Variants in NAV3 observed in about 807,000 individuals in gnomAD.
NAV3 encodes pore membrane and/or filament interacting like protein 1.
A neutral mutation model predicts 244.7 loss-of-function variants in NAV3; 87 were observed. The observed-to-expected ratio is 0.36, with a 90% CI of 0.30 to 0.42. The LOEUF (loss-of-function observed/expected upper bound fraction) is 0.42, where lower values mean the gene tolerates loss of function less well. Ranked by LOEUF, NAV3 falls within the 20% of genes least tolerant of loss-of-function variation. The pLI is 1.00. For synonymous variants in NAV3, 1,126 were observed against 1,042.2 expected (o/e 1.08, Z -1.55); for missense variants, 2,663 against 2,893.3 (o/e 0.92, Z 1.83).
At chr12:77,895,734 T>G (rs915639729) in intron 1 of NAV3, among the ~76,000 whole-genome samples, 7 of 132,578 alleles carry the variant, frequency 5.3e-5, no homozygotes, top group African/African-American at 1.7e-4. Flanking sequence ...ATATGTACCC[T>G]CTTGTTTTTT....
chr12:78,048,299 G>A (rs1180558284), intron 9 of NAV3, among the ~76,000 whole-genome samples: 2 of 152,040 alleles, frequency 1.3e-5, no homozygotes, highest in Admixed American at 1.3e-4. Flanking sequence ...AGGCATTCTG[G>A]TTTTTGGAAT....
At chr12:77,930,647 A>G (rs1387748782) in intron 1 of NAV3, among the ~76,000 whole-genome samples, 1 of 152,118 alleles carries the variant, frequency 6.6e-6, no homozygotes, top group Non-Finnish European at 1.5e-5. Flanking sequence ...ATCAGCTGAA[A>G]ATGTCTTTGC....
intron 3 of NAV3, among the ~76,000 whole-genome samples, chr12:77,957,017 A>G (rs1891429259): frequency 6.6e-6 from 1 of 152,208 alleles, no homozygotes; most frequent in South Asian, 2.1e-4. Context: ...TGCTGGGATT[A>G]CAGGCGTGAG....
intron 18 of NAV3, among the ~76,000 whole-genome samples, chr12:78,129,937 TCCAAAA>T (rs1736666708): frequency 6.6e-6 from 1 of 152,132 alleles, no homozygotes; most frequent in Non-Finnish European, 1.5e-5. Flanking sequence ...AAACACACAA[TCCAAAA>T]CCTTATATTT....
At chr12:77,572,352 T>A (rs548443019) in intron 2 of NAV3, 1 of 153,274 alleles carries the variant, frequency 6.5e-6, no homozygotes, top group Admixed American at 6.5e-5. Flanking sequence ...CCTTTTGAGA[T>A]AAAATAACAT....
rs2136819052 is a variant in NAV3, at chr12:78,021,862, G to A, written c.2023G>A (p.Gly675Ser). 6.3e-7 allele frequency: 1 copy of A among 1,586,454 alleles called. No individual in the cohort carries two copies. Among genetic ancestry groups the A allele is most frequent in the Non-Finnish European group, 8.6e-7 (1 of 1,160,504 alleles). Reference protein sequence around the residue: ...TAKQCLEEISGEDPETRRMRT... With the variant: ...TAKQCLEEISSEDPETRRMRT... ...TAAGCAGTGCCTGGAGGAGATATCTGGTAAGTGACCTCATCGATGCATAGG... is the reference window on the plus strand; with the variant it reads ...TAAGCAGTGCCTGGAGGAGATATCTAGTAAGTGACCTCATCGATGCATAGG... The change falls in exon 9 of 40, where the codon GGT becomes AGT. Residue 675 changes from glycine to serine, a missense_variant and splice_region_variant. Physicochemically the swap from Gly to Ser is moderately conservative, Grantham distance 56. Coordinates refer to ENST00000397909, the MANE Select transcript of NAV3 (RefSeq NM_001024383.2).
intron 2 of NAV3, among the ~76,000 whole-genome samples, chr12:77,642,465 A>G (rs1278596160): frequency 1.3e-5 from 2 of 152,108 alleles, no homozygotes; most frequent in African/African-American, 4.8e-5. Flanking sequence ...TTCTAATGGA[A>G]GAAACCTCAG....
chr12:78,185,952 A>G (rs1407627983), intron 31 of NAV3, among the ~76,000 whole-genome samples: 1 of 151,904 alleles, frequency 6.6e-6, no homozygotes, highest in African/African-American at 2.4e-5. Context: ...TAAAACTTTA[A>G]AAAATAGTTA....
intron 2 of NAV3, among the ~76,000 whole-genome samples, chr12:77,823,753 A>T (rs1353717900): frequency 6.6e-6 from 1 of 152,154 alleles, no homozygotes; most frequent in Non-Finnish European, 1.5e-5. Context: ...ATGTGACATG[A>T]CTCATATCCA....
chr12:77,888,452 G>A (rs1483721760), intron 1 of NAV3, among the ~76,000 whole-genome samples: 1 of 152,078 alleles, frequency 6.6e-6, no homozygotes, highest in Non-Finnish European at 1.5e-5. Flanking sequence ...ACTCCAGCCT[G>A]GACAGCACAG....
intron 2 of NAV3, among the ~76,000 whole-genome samples, chr12:77,649,759 TTA>T (rs1175108412): frequency 3.3e-5 from 5 of 152,324 alleles, no homozygotes; most frequent in Admixed American, 6.5e-5. Flanking sequence ...GCTATATTTT[TTA>T]TGACAAAAGA....
intron 12 of NAV3, among the ~76,000 whole-genome samples, chr12:78,066,721 A>T (rs1168714900): frequency 2.0e-5 from 3 of 152,086 alleles, no homozygotes; most frequent in Non-Finnish European, 4.4e-5. Flanking sequence ...TAAAAGCATA[A>T]TACATCATAG....
intron 1 of NAV3, among the ~76,000 whole-genome samples, chr12:77,894,547 G>A (rs936277787): frequency 4.4e-5 from 6 of 135,772 alleles, no homozygotes; most frequent in East Asian, 2.2e-4. Context: ...CCAAATTATC[G>A]AGATTTGATT....
intron 1 of NAV3, among the ~76,000 whole-genome samples, chr12:77,848,904 A>G (rs1295752371): frequency 6.6e-6 from 1 of 152,204 alleles, no homozygotes; most frequent in Non-Finnish European, 1.5e-5. Context: ...ATATGATTCC[A>G]TGCAATTTCA....
chr12:77,601,763 G>A (rs1443398456), intron 2 of NAV3, among the ~76,000 whole-genome samples: 2 of 151,924 alleles, frequency 1.3e-5, no homozygotes, highest in African/African-American at 2.4e-5. Flanking sequence ...GTCTTGAGGG[G>A]CATTGCTTAT....
intron 2 of NAV3, among the ~76,000 whole-genome samples, chr12:77,621,510 TCA>T (rs1353330422): frequency 6.7e-6 from 1 of 148,832 alleles, no homozygotes; most frequent in East Asian, 2.0e-4. Context: ...AGATGGAGTC[TCA>T]CTCTGTTGCC....
In NAV3 at chr12:77,912,847, C is replaced by T. The variant is rs149759495; in HGVS notation, c.244-27472C>T. On this transcript the variant is annotated intron_variant, in intron 1 of 39. Coordinates refer to ENST00000397909, the MANE Select transcript of NAV3 (RefSeq NM_001024383.2). Reference sequence around the variant, plus strand: ...GGCTGGTCTCGAACTCCTGACCTCACGTGATCCACCTGCCTTGGCCTCCCA... The same window carrying T: ...GGCTGGTCTCGAACTCCTGACCTCATGTGATCCACCTGCCTTGGCCTCCCA... Among the ~76,000 whole-genome samples the T allele has an allele frequency of 4.1e-3, 621 of 152,054 alleles. 4 individuals carry two copies. The highest frequency in any genetic ancestry group is 0.014 in the African/African-American group (598 of 41,508).
rs1255540086 is a variant in NAV3 at position 77,762,719 on chromosome 12, GTTT to G, written c.73-177596_73-177594del. 4.9e-3 allele frequency among the ~76,000 whole-genome samples: 439 copies of G among 88,778 alleles called. 1 individual carries two copies. The highest frequency in any genetic ancestry group is 0.015 in the African/African-American group (390 of 26,398). 58.2% of individuals were successfully genotyped at this position (88,778 alleles called of 152,430 possible). On this transcript the variant is annotated intron_variant, in intron 2 of 8. Coordinates refer to the NAV3 transcript ENST00000550042. The stretch of plus-strand genomic sequence containing the variant: ...TCAAATTTCCACCCAGGCTTCATGG[GTTT>G]TTTGTTGTTGTTGTTGTTGTTGTTG...
rs960425211 is a variant in NAV3 at position 77,925,994 on chromosome 12, T to C, written c.244-14325T>C. ...TTGATGTAAAAAGAAGGAAAGAAAGTTGTTGAAAAAACAAATATTTTTTGA... is the reference window on the plus strand; with the variant it reads ...TTGATGTAAAAAGAAGGAAAGAAAGCTGTTGAAAAAACAAATATTTTTTGA... On this transcript the variant is annotated intron_variant, in intron 1 of 39. Coordinates refer to ENST00000397909, the MANE Select transcript of NAV3 (RefSeq NM_001024383.2). Among the ~76,000 whole-genome samples the C allele has an allele frequency of 2.0e-5, 3 of 152,166 alleles. 1 individual carries two copies. Among genetic ancestry groups the C allele is most frequent in the Admixed American group, 6.5e-5 (1 of 15,272 alleles).
Sources: gnomAD v4.1 joint callset for allele counts (sites outside exome capture counted in the v4.1 genomes callset) on GRCh38, gnomAD v4.1.1 for gene constraint, MANE v1.5 for transcripts, NCBI Gene and HGNC (gene_info 2026-07-23, HGNC 2026-07-21) for gene names.